KLRD1: variants seen among roughly 807,000 people sequenced by gnomAD.
The protein encoded by KLRD1 is killer cell lectin like receptor D1.
A neutral mutation model predicts 22.6 loss-of-function variants in KLRD1; 21 were observed. That is an observed-to-expected ratio of 0.93 (90% CI 0.66 to 1.34). KLRD1 has a LOEUF of 1.34. KLRD1 is among the 40% of genes most tolerant of loss of function. The pLI, the probability that KLRD1 is intolerant of heterozygous loss-of-function variation, is 0.00. For missense variants in KLRD1, 183 were observed against 208.6 expected, an observed-to-expected ratio of 0.88 and a Z score of 0.76; for synonymous variants, 59 against 71.1, an observed-to-expected ratio of 0.83 and a Z score of 0.85.
intron 1 of KLRD1, among the ~76,000 whole-genome samples, chr12:10,250,607 G>A (rs1010654798): frequency 2.0e-5 from 3 of 151,866 alleles, no homozygotes; most frequent in African/African-American, 4.8e-5. Flanking sequence ...ACAGGCTCCC[G>A]CCACCATGCC....
chr12:10,257,738 A>G (rs970389403), intron 1 of KLRD1, among the ~76,000 whole-genome samples: 1 of 151,886 alleles, frequency 6.6e-6, no homozygotes, highest in African/African-American at 2.4e-5. Context: ...AACAGTCTCT[A>G]AAGATTCATT....
At chr12:10,239,451 T>TTATTCTTCCTTCCTTCTTTCCTTA (rs796282502) in intron 1 of KLRD1, among the ~76,000 whole-genome samples, 1 of 43,650 alleles carries the variant, frequency 2.3e-5, no homozygotes, top group African/African-American at 8.7e-5. Flanking sequence ...CCTTCCTTCC[T>TTATTCTTCCTTCCTTCTTTCCTTA]TCCTTCCTTC....
chr12:10,274,764 A>C (rs1420846397), intron 1 of KLRD1, among the ~76,000 whole-genome samples: 3 of 152,084 alleles, frequency 2.0e-5, no homozygotes, highest in African/African-American at 7.2e-5. Flanking sequence ...CAACTCCATA[A>C]ATTTATGTAT....
chr12:10,288,563 T>C (rs1432836459), intron 1 of KLRD1, among the ~76,000 whole-genome samples: 1 of 152,226 alleles, frequency 6.6e-6, no homozygotes, highest in Non-Finnish European at 1.5e-5. Context: ...GTTTCCTTGA[T>C]AATCTCCTGT....
chr12:10,316,755 G>A lies in KLRD1; in HGVS notation c.*1962G>A, dbSNP rs1365122021. 2 of 152,124 alleles carry A rather than the reference G, an allele frequency of 1.3e-5. No individual in the cohort carries two copies. The highest frequency in any genetic ancestry group is 4.8e-5 in the African/African-American group (2 of 41,418). 9.4% of individuals were successfully genotyped at this position (152,124 alleles called of 1,614,324 possible). ...TGGTTCCTTGATTCCCATATGCTAG[G>A]ACAAGTAATTATTATTTTATTTTAT... On this transcript the variant is annotated 3_prime_UTR_variant, in exon 6 of 6. Transcript: ENST00000336164.
Position 10,315,089 on chromosome 12 carries a change from A to T in KLRD1, c.*296A>T, listed in dbSNP as rs1950193262. 1 of 253,774 alleles carries T rather than the reference A, an allele frequency of 3.9e-6. No homozygotes were observed. Among genetic ancestry groups the T allele is most frequent in the East Asian group, 1.4e-4 (1 of 7,280 alleles). 15.7% of individuals were successfully genotyped at this position (253,774 alleles called of 1,614,324 possible). ...TACACATTTATGTAATTTTATTTACATTCTTGCTAATTCTCAGCAGAAATT... is the reference window on the plus strand; with the variant it reads ...TACACATTTATGTAATTTTATTTACTTTCTTGCTAATTCTCAGCAGAAATT... On this transcript the variant is annotated 3_prime_UTR_variant, in exon 6 of 6. Coordinates refer to ENST00000336164, the MANE Select transcript of KLRD1 (RefSeq NM_002262.5).
rs772858874 is a variant in KLRD1, at chr12:10,324,806, A to ATGTGTGTGTGTG, written c.*10015_*10026dup. 21 of 119,616 alleles carry ATGTGTGTGTGTG rather than the reference A, an allele frequency of 1.8e-4. No individual in the cohort carries two copies. The highest frequency in any genetic ancestry group is 6.2e-4 in the African/African-American group (20 of 32,318). 7.4% of individuals were successfully genotyped at this position (119,616 alleles called of 1,614,324 possible). A position where few individuals can be genotyped will look rare whatever the true frequency, so the allele number is the denominator to read the frequency against. On this transcript the variant is annotated 3_prime_UTR_variant, in exon 6 of 6. Transcript: ENST00000336164. ...TTTAAAATTGTAAGTATATATGTAT[A>ATGTGTGTGTGTG]TGTGTGTGTGTGTATATATATATAT...
chr12:10,262,223 C>T (rs551824219), intron 1 of KLRD1, among the ~76,000 whole-genome samples: 3 of 152,082 alleles, frequency 2.0e-5, no homozygotes, highest in South Asian at 2.1e-4. Flanking sequence ...TCCAATTCTT[C>T]ATTATTGGTC....
chr12:10,298,866 C>G (rs748465182), intron 1 of KLRD1, among the ~76,000 whole-genome samples: 4 of 152,224 alleles, frequency 2.6e-5, no homozygotes, highest in Non-Finnish European at 5.9e-5. Context: ...GTTCGAGGCT[C>G]TCAGCTCTGA....
chr12:10,241,632 G>A (rs1018464953), intron 1 of KLRD1, among the ~76,000 whole-genome samples: 7 of 152,106 alleles, frequency 4.6e-5, no homozygotes, highest in African/African-American at 1.7e-4. Flanking sequence ...GTTTTCTAAA[G>A]TAAATACTAT....
At chr12:10,293,839 A>G (rs1030535756) in intron 1 of KLRD1, among the ~76,000 whole-genome samples, 5 of 152,252 alleles carry the variant, frequency 3.3e-5, no homozygotes, top group African/African-American at 1.2e-4. Flanking sequence ...GAAACCCAAC[A>G]GCAGGGACAA....
At chr12:10,285,937 C>T (rs956659743) in intron 1 of KLRD1, among the ~76,000 whole-genome samples, 1 of 152,164 alleles carries the variant, frequency 6.6e-6, no homozygotes, top group African/African-American at 2.4e-5. Flanking sequence ...CTGGTCTCTT[C>T]TCTCCTCCTT....
At position 10,324,774 on chromosome 12, in the gene KLRD1, G is replaced by A. The variant is rs1756325652; in HGVS notation, c.*9981G>A. ...TACATTTTATTTTCTAATTTCAAATGTTTTATTTTAAAATTGTAAGTATAT... is the reference window on the plus strand; with the variant it reads ...TACATTTTATTTTCTAATTTCAAATATTTTATTTTAAAATTGTAAGTATAT... On this transcript the variant is annotated 3_prime_UTR_variant, in exon 6 of 6. Coordinates refer to ENST00000336164, the MANE Select transcript of KLRD1 (RefSeq NM_002262.5). The A allele has an allele frequency of 7.5e-6, 1 of 133,016 alleles. No individual in the cohort carries two copies. The highest frequency in any genetic ancestry group is 2.5e-4 in the South Asian group (1 of 4,050). 8.2% of individuals were successfully genotyped at this position (133,016 alleles called of 1,614,324 possible).
intron 1 of KLRD1, among the ~76,000 whole-genome samples, chr12:10,246,446 A>G (rs1156628209): frequency 6.6e-6 from 1 of 152,194 alleles, no homozygotes; most frequent in African/African-American, 2.4e-5. Flanking sequence ...ACAGGTTCTT[A>G]TACAGTTCAG....
At chr12:10,239,585 T>TTCTTTCTC in intron 1 of KLRD1, among the ~76,000 whole-genome samples, 1 of 126,912 alleles carries the variant, frequency 7.9e-6, no homozygotes, top group South Asian at 2.6e-4. Flanking sequence ...CTTTCTTTCT[T>TTCTTTCTC]TTTCTTTCTT....
intron 1 of KLRD1, among the ~76,000 whole-genome samples, chr12:10,286,231 A>G (rs1281579950): frequency 1.3e-5 from 2 of 152,228 alleles, no homozygotes; most frequent in African/African-American, 4.8e-5. Context: ...ACAGGGGTCC[A>G]GGGTCATATC....
rs570021342 is a variant in KLRD1 at position 10,311,312 on chromosome 12, T to A, written c.164-152T>A. ...AAAAAGCATCATGTTCATGTCTAAT[T>A]AGTTCACATTAGTAGCCCCTGAAGT... On this transcript the variant is annotated intron_variant, in intron 3 of 5. Coordinates refer to ENST00000336164, the MANE Select transcript of KLRD1 (RefSeq NM_002262.5). 10 of 514,518 alleles carry A rather than the reference T, an allele frequency of 1.9e-5. No homozygotes were observed. The South Asian group carries it at 4.6e-4, about 24-fold the overall frequency. 31.9% of individuals were successfully genotyped at this position (514,518 alleles called of 1,614,324 possible).
At chr12:10,268,200 G>A (rs1236374959) in intron 1 of KLRD1, among the ~76,000 whole-genome samples, 1 of 152,178 alleles carries the variant, frequency 6.6e-6, no homozygotes, top group Non-Finnish European at 1.5e-5. Flanking sequence ...GTGCAGATGT[G>A]GAGAATTACA....
chr12:10,256,089 A>G (rs1212664126), intron 1 of KLRD1, among the ~76,000 whole-genome samples: 1 of 151,916 alleles, frequency 6.6e-6, no homozygotes, highest in African/African-American at 2.4e-5. Flanking sequence ...TTTGTCTTTT[A>G]TATATATACA....
Sources: gnomAD v4.1 joint callset for allele counts (sites outside exome capture counted in the v4.1 genomes callset) on GRCh38, gnomAD v4.1.1 for gene constraint, MANE v1.5 for transcripts, NCBI Gene and HGNC (gene_info 2026-07-23, HGNC 2026-07-21) for gene names.